The following CPZ variants were observed in gnomAD, a reference collection of about 807,000 sequenced individuals.
CPZ encodes VEZT/CPZ fusion.
A neutral mutation model predicts 61.8 loss-of-function variants in CPZ; 103 were observed. The ratio of observed to expected loss-of-function variants is 1.67; its 90% CI spans 1.42 to 1.96. The LOEUF is 1.96. Among genes scored for constraint, CPZ ranks in the 30% most tolerant of loss-of-function variants. The pLI, the probability that CPZ is intolerant of heterozygous loss-of-function variation, is 0.00. For missense variants in CPZ, 1,461 were observed against 914.9 expected (o/e 1.60, Z -7.70); for synonymous variants, 551 against 373.7 (o/e 1.47, Z -5.47).
intron 1 of CPZ, among the ~76,000 whole-genome samples, chr4:8,596,807 C>T (rs9790812): frequency 6.6e-6 from 1 of 152,216 alleles, no homozygotes; most frequent in Non-Finnish European, 1.5e-5. Context: ...GGTCCAGTCA[C>T]TTGTGTGGGC....
At chr4:8,593,029 G>C in intron 1 of CPZ, 108 bp downstream of exon 1, 1 of 850,096 alleles carries the variant, frequency 1.2e-6, no homozygotes, top group Non-Finnish European at 1.8e-6. Flanking sequence ...TAGGTCACGC[G>C]CCTATGGTCC....
At chr4:8,608,135 T>TCCAGCCTCCAGCCCCCAGCCC (rs1553877376) in intron 7 of CPZ, among the ~76,000 whole-genome samples, 1 of 137,574 alleles carries the variant, frequency 7.3e-6, no homozygotes, top group Non-Finnish European at 1.5e-5. Flanking sequence ...GGCCCCAGCC[T>TCCAGCCTCCAGCCCCCAGCCC]CCAGCCCCCA....
intron 9 of CPZ, among the ~76,000 whole-genome samples, chr4:8,616,386 A>G (rs1716163043): frequency 6.6e-6 from 1 of 152,098 alleles, no homozygotes. Context: ...CAGAAAAAAA[A>G]TCCGTCCACT....
chr4:8,617,106 G>C (rs1301978815), intron 9 of CPZ, among the ~76,000 whole-genome samples: 1 of 152,250 alleles, frequency 6.6e-6, no homozygotes, highest in Non-Finnish European at 1.5e-5. Flanking sequence ...ACAGCAGTTA[G>C]GTGCCACAGG....
chr4:8,619,595 C>A lies in CPZ; in HGVS notation c.1937C>A (p.Pro646Gln). Reference protein sequence around the residue: ...SYFTSLSTHRPRWLLKY With the variant: ...SYFTSLSTHRQRWLLKY ...TTCACATCGCTGAGCACCCACAGGC[C>A]ACGCTGGCTGCTCAAGTACTAGCCC... is the stretch of plus-strand genomic sequence containing the variant. Residue 646 changes from proline to glutamine, a missense_variant, in exon 11 of 11, where the codon CCA (proline) becomes CAA (glutamine). Transcript: ENST00000360986. 2 of 1,508,896 alleles carry A rather than the reference C, an allele frequency of 1.3e-6. No individual in the cohort carries two copies. The highest frequency in any genetic ancestry group is 1.8e-6 in the Non-Finnish European group (2 of 1,129,240). The allele number at this position is 1,508,896 out of a possible 1,614,324, so 93.5% of individuals were successfully genotyped here. A position where few individuals can be genotyped will look rare whatever the true frequency, so the allele number is the denominator to read the frequency against.
rs748120542 is a variant in CPZ, at chr4:8,599,489, C to T, written c.121+4C>T. On this transcript the variant is annotated splice_donor_region_variant and intron_variant, in intron 2 of 10. Transcript: ENST00000360986. ...AGGCCACCAGCTGCAGACAGCGGTA[C>T]AGTACCGGGACCTCCCTGGCTTCTG... The T allele has an allele frequency of 1.2e-6, 2 of 1,613,814 alleles. No individual in the cohort carries two copies. Among genetic ancestry groups the T allele is most frequent in the Admixed American group, 1.7e-5 (1 of 60,002 alleles).
intron 5 of CPZ, 143 bp downstream of exon 5, chr4:8,606,328 C>A: frequency 3.6e-6 from 3 of 825,074 alleles, no homozygotes; most frequent in Non-Finnish European, 1.8e-6. Flanking sequence ...TACTGGCAAA[C>A]CCCTGCTTCA....
At chr4:8,596,047 T>G (rs1714151891) in intron 1 of CPZ, among the ~76,000 whole-genome samples, 1 of 149,950 alleles carries the variant, frequency 6.7e-6, no homozygotes, top group South Asian at 2.1e-4. Context: ...TCCAGGGCTC[T>G]GAACTGTTGT....
At chr4:8,614,328 C>A (rs1264144777) in intron 8 of CPZ, 31 bp from the exon 9 acceptor site, 6 of 1,598,672 alleles carry the variant, frequency 3.8e-6, no homozygotes, top group Non-Finnish European at 8.5e-7. Flanking sequence ...CGGCTGACAC[C>A]CCTGACGTCC....
chr4:8,610,608 G>A (rs1445596507), intron 7 of CPZ, among the ~76,000 whole-genome samples: 1 of 152,244 alleles, frequency 6.6e-6, no homozygotes, highest in Non-Finnish European at 1.5e-5. Context: ...CAGGTAGAAT[G>A]TAGCAGATGT....
chr4:8,613,273 A>G (rs1002482897), intron 8 of CPZ, among the ~76,000 whole-genome samples: 64 of 152,102 alleles, frequency 4.2e-4, no homozygotes, highest in Middle Eastern at 3.4e-3. Flanking sequence ...CTGGGATTAC[A>G]GGCGCCCACC....
chr4:8,605,649 T>G (rs1714932120), intron 4 of CPZ, among the ~76,000 whole-genome samples: 1 of 115,474 alleles, frequency 8.7e-6, no homozygotes, highest in African/African-American at 4.5e-5. Flanking sequence ...ATTCATCCAC[T>G]CAAGGGCCAA....
intron 2 of CPZ, among the ~76,000 whole-genome samples, chr4:8,600,537 A>G (rs1282312191): frequency 6.6e-6 from 1 of 152,124 alleles, no homozygotes; most frequent in Non-Finnish European, 1.5e-5. Context: ...GAGCTAAACA[A>G]ACAGCTGTGA....
intron 2 of CPZ, 102 bp from the exon 3 acceptor site, chr4:8,601,021 C>T (rs1714532459): frequency 1.4e-6 from 2 of 1,445,336 alleles, no homozygotes; most frequent in Non-Finnish European, 1.8e-6. Context: ...GTGCCCCTCC[C>T]TGCAGGCCCT....
At chr4:8,614,593 C>T in intron 9 of CPZ, 95 bp downstream of exon 9, 1 of 1,303,438 alleles carries the variant, frequency 7.7e-7, no homozygotes, top group African/African-American at 1.5e-5. Flanking sequence ...AGCCTCACTG[C>T]CCCATACACA....
intron 7 of CPZ, among the ~76,000 whole-genome samples, chr4:8,609,623 T>C (rs554305663): frequency 4.0e-5 from 6 of 148,910 alleles, no homozygotes; most frequent in African/African-American, 1.6e-4. Context: ...AGGCCCAGTG[T>C]GTCTCAGCCT....
intron 4 of CPZ, 102 bp downstream of exon 4, chr4:8,604,290 G>A: frequency 8.5e-7 from 1 of 1,174,344 alleles, no homozygotes; most frequent in Non-Finnish European, 1.2e-6. Flanking sequence ...GGGGTCCTGG[G>A]CAGAGCTGGG....
At chr4:8,609,131 CTCATTTACTCAT>C (rs1209837343) in intron 7 of CPZ, among the ~76,000 whole-genome samples, 2 of 17,580 alleles carry the variant, frequency 1.1e-4, no homozygotes, top group Non-Finnish European at 2.6e-4. Flanking sequence ...CACTCATTCA[CTCATTTACTCAT>C]TCACCCACTC....
chr4:8,607,739 G>A (rs1577117752), intron 7 of CPZ, among the ~76,000 whole-genome samples: 1 of 152,172 alleles, frequency 6.6e-6, no homozygotes, highest in Admixed American at 6.5e-5. Context: ...TCCGCCCCGC[G>A]CCTGGCGGGG....
Sources: gnomAD v4.1 joint callset for allele counts (sites outside exome capture counted in the v4.1 genomes callset) on GRCh38, gnomAD v4.1.1 for gene constraint, MANE v1.5 for transcripts, NCBI Gene and HGNC (gene_info 2026-07-23, HGNC 2026-07-21) for gene names.